The following TDRD5 variants were observed in gnomAD, a reference collection of about 807,000 sequenced individuals.
TDRD5 encodes tudor domain containing 5, also known as tudor domain-containing protein 5.
Under a neutral mutation model 120.6 loss-of-function variants are expected in TDRD5, and 41 were observed. The observed-to-expected ratio is 0.34, with a 90% confidence interval of 0.26 to 0.44. The LOEUF (loss-of-function observed/expected upper bound fraction) is 0.44. Among genes scored for constraint, TDRD5 ranks in the 20% least tolerant of loss-of-function variants. The pLI is 1.00. For synonymous variants in TDRD5, 430 were observed against 433.7 expected (o/e 0.99, Z 0.11); for missense variants, 1,006 against 1,221.2 (o/e 0.82, Z 2.63).
chr1:179,592,955 A>C, intron 2 of TDRD5, 108 bp downstream of exon 2: 1 of 1,165,480 alleles, frequency 8.6e-7, no homozygotes, highest in East Asian at 2.6e-5. Context: ...AGTGGATTTT[A>C]ATTTGGTGGG....
intron 4 of TDRD5, among the ~76,000 whole-genome samples, chr1:179,606,874 G>T (rs1385610717): frequency 6.6e-6 from 1 of 152,046 alleles, no homozygotes; most frequent in African/African-American, 2.4e-5. Flanking sequence ...AAGTTGGGTA[G>T]TGTCAATCCT....
intron 11 of TDRD5, among the ~76,000 whole-genome samples, chr1:179,648,609 GAAAC>G (rs1346683420): frequency 3.3e-4 from 47 of 143,436 alleles, no homozygotes; most frequent in East Asian, 2.9e-3. Context: ...AAAAAAAAAA[GAAAC>G]AAACCACCCT....
intron 17 of TDRD5, among the ~76,000 whole-genome samples, chr1:179,681,115 C>T (rs1337134708): frequency 1.3e-5 from 2 of 152,298 alleles, no homozygotes; most frequent in South Asian, 4.1e-4. Context: ...TCTCACTCTG[C>T]TGCCCAGATT....
intron 11 of TDRD5, among the ~76,000 whole-genome samples, chr1:179,643,133 A>C (rs1236616153): frequency 6.6e-6 from 1 of 152,158 alleles, no homozygotes; most frequent in Non-Finnish European, 1.5e-5. Flanking sequence ...GAAAAAATCA[A>C]CAGTTGGCAT....
At chr1:179,621,128 T>G in intron 6 of TDRD5, 37 bp downstream of exon 6, 1 of 1,563,828 alleles carries the variant, frequency 6.4e-7, no homozygotes, top group Non-Finnish European at 8.6e-7. Context: ...TAATTTTTTA[T>G]GGCTTATATT....
At chr1:179,628,698 ATTGACTAACC>A (rs1322219728) in intron 6 of TDRD5, among the ~76,000 whole-genome samples, 2 of 152,166 alleles carry the variant, frequency 1.3e-5, no homozygotes, top group Non-Finnish European at 2.9e-5. Flanking sequence ...ATATTAGTAA[ATTGACTAACC>A]TTTTAAAAGA....
In TDRD5 at chr1:179,593,510, A is replaced by C. The variant is rs1364020503; in HGVS notation, c.283A>C (p.Arg95=). ...AATAGCAAGCTTAGTTGCAAAACAG[A>C]GGAGCAGCCATAAGCTTCGAAACTC... The part of the protein sequence containing the change: ...KGIASLVAKQ[R]SSHKLRNSMH... The change falls in exon 3 of 18, where the codon AGG becomes CGG. Residue 95 remains arginine (R), a synonymous_variant. Coordinates refer to ENST00000444136, the MANE Select transcript of TDRD5 (RefSeq NM_001199085.3). 1 of 1,614,178 alleles carries C rather than the reference A, an allele frequency of 6.2e-7. No homozygotes were observed. The highest frequency in any genetic ancestry group is 1.1e-5 in the South Asian group (1 of 91,080).
chr1:179,626,371 T>TG (rs1040773045), intron 6 of TDRD5, among the ~76,000 whole-genome samples: 2 of 152,040 alleles, frequency 1.3e-5, no homozygotes, highest in Non-Finnish European at 2.9e-5. Context: ...TAATCTATGG[T>TG]GGAAAAAAAG....
intron 4 of TDRD5, among the ~76,000 whole-genome samples, chr1:179,602,649 T>G (rs530838935): frequency 6.6e-6 from 1 of 152,134 alleles, no homozygotes; most frequent in African/African-American, 2.4e-5. Flanking sequence ...TTCCCCACTT[T>G]ATATTTTTGT....
chr1:179,622,402 C>T lies in TDRD5; in HGVS notation c.972+1311C>T, dbSNP rs2183038. ...GAACACAAACCAAAATTACTAGACA[C>T]AGTAAGAAACAAGAAAATGTGACCC... On this transcript the variant is annotated intron_variant, in intron 6 of 17. Transcript: ENST00000444136. 4.7e-3 allele frequency among the ~76,000 whole-genome samples: 712 copies of T among 152,138 alleles called. 4 individuals carry two copies. Among genetic ancestry groups the T allele is most frequent in the South Asian group, 0.021 (103 of 4,820 alleles).
At chr1:179,638,156 G>T (rs539314977) in intron 9 of TDRD5, among the ~76,000 whole-genome samples, 2 of 72,092 alleles carry the variant, frequency 2.8e-5, no homozygotes, top group South Asian at 4.6e-4. Context: ...ACCATGGGAA[G>T]ATGTTTTCTC....
At chr1:179,671,874 A>G (rs1679870873) in intron 17 of TDRD5, among the ~76,000 whole-genome samples, 1 of 152,084 alleles carries the variant, frequency 6.6e-6, no homozygotes, top group Non-Finnish European at 1.5e-5. Flanking sequence ...CACTTAGAAT[A>G]ATAGTCTCGA....
At chr1:179,613,816 G>C (rs1158784936) in intron 4 of TDRD5, among the ~76,000 whole-genome samples, 2 of 152,172 alleles carry the variant, frequency 1.3e-5, no homozygotes, top group African/African-American at 2.4e-5. Flanking sequence ...TGGGGAGTGG[G>C]GAGTAGAGAG....
At chr1:179,689,346 C>A (rs1680969019) in intron 17 of TDRD5, among the ~76,000 whole-genome samples, 1 of 152,172 alleles carries the variant, frequency 6.6e-6, no homozygotes, top group Non-Finnish European at 1.5e-5. Flanking sequence ...TGGGTATCAC[C>A]AGCAGAGGCT....
intron 4 of TDRD5, among the ~76,000 whole-genome samples, chr1:179,609,606 T>C (rs1247603064): frequency 3.3e-5 from 5 of 152,194 alleles, no homozygotes; most frequent in African/African-American, 1.2e-4. Context: ...TATTTTGTTA[T>C]GGCAGCCTGA....
chr1:179,680,333 C>T (rs1195451856), intron 17 of TDRD5, among the ~76,000 whole-genome samples: 1 of 152,080 alleles, frequency 6.6e-6, no homozygotes, highest in Non-Finnish European at 1.5e-5. Context: ...TTGTTTGAAT[C>T]GTCTGTATCC....
chr1:179,648,202 G>T (rs1323243719), intron 11 of TDRD5, among the ~76,000 whole-genome samples: 2 of 145,214 alleles, frequency 1.4e-5, no homozygotes, highest in Admixed American at 1.4e-4. Context: ...CAACCCAAAT[G>T]TCCAACAACG....
chr1:179,668,294 G>GCA (rs555276678), intron 16 of TDRD5, among the ~76,000 whole-genome samples: 1 of 152,126 alleles, frequency 6.6e-6, no homozygotes, highest in African/African-American at 2.4e-5. Context: ...ATGGCTAGCT[G>GCA]CACACACACA....
At chr1:179,640,290 A>AT (rs1178226852) in intron 10 of TDRD5, 89 bp from the exon 11 acceptor site, 26 of 1,433,294 alleles carry the variant, frequency 1.8e-5, no homozygotes, top group Non-Finnish European at 2.6e-5. Context: ...TTAGTCTCTT[A>AT]TTAAGAAAGT....
Sources: allele counts gnomAD v4.1 joint callset (sites outside exome capture counted in the v4.1 genomes callset), GRCh38; gene constraint gnomAD v4.1.1; transcripts MANE v1.5; gene names NCBI Gene and HGNC (gene_info 2026-07-23, HGNC 2026-07-21).